The following CHODL variants were observed in gnomAD, a reference collection of about 807,000 sequenced individuals.
CHODL encodes transmembrane protein MT75.
CHODL carries 29 observed loss-of-function variants against 34.5 expected under a neutral mutation model. The observed-to-expected ratio is 0.84, with a 90% confidence interval of 0.63 to 1.15. The LOEUF (loss-of-function observed/expected upper bound fraction) is 1.15. Ranked by LOEUF, CHODL falls within the 50% of genes most tolerant of loss-of-function variation. The pLI is 0.00. For synonymous variants in CHODL, 125 were observed against 116.1 expected, an observed-to-expected ratio of 1.08 and a Z score of -0.49; for missense variants, 332 against 332.5, an observed-to-expected ratio of 1.00 and a Z score of 0.01.
Position 17,929,555 on chromosome 21 carries a change from T to G in CHODL, c.-145+12155T>G, listed in dbSNP as rs917480736. On this transcript the variant is annotated intron_variant, in intron 1 of 6. Transcript: ENST00000400127. ...AGAAAGGTGAAGCCATGCAGCCTGC[T>G]GAGCTGGGATTGGTATGGAGCCAGG... Among the ~76,000 whole-genome samples, 8 of 152,358 alleles carry G rather than the reference T, an allele frequency of 5.3e-5. No individual in the cohort carries two copies. In the South Asian group the frequency reaches 6.2e-4, roughly 12 times the overall value.
At chr21:18,004,843 A>AGC (rs972065430) in intron 1 of CHODL, among the ~76,000 whole-genome samples, 3 of 150,820 alleles carry the variant, frequency 2.0e-5, no homozygotes, top group South Asian at 2.1e-4. Flanking sequence ...AAAAAAAAAA[A>AGC]AACAACAACA....
intron 1 of CHODL, among the ~76,000 whole-genome samples, chr21:18,013,926 C>T (rs543462851): frequency 3.9e-4 from 59 of 152,168 alleles, no homozygotes; most frequent in Admixed American, 5.2e-4. Flanking sequence ...TGAGCCACCG[C>T]GCCTGGCTAT....
upstream of CHODL, among the ~76,000 whole-genome samples, chr21:18,241,719 G>A (rs996921302): frequency 2.0e-5 from 3 of 152,172 alleles, no homozygotes; most frequent in African/African-American, 7.2e-5. Context: ...TGAGAGTGAA[G>A]GAGTTCGTGA....
At chr21:18,256,479 A>C (rs768801758) in intron 1 of CHODL, 30 bp from the exon 2 acceptor site, 1 of 1,549,300 alleles carries the variant, frequency 6.5e-7, no homozygotes, top group African/African-American at 1.4e-5. Flanking sequence ...TCCGATTATC[A>C]ATATATGGGC....
intron 1 of CHODL, among the ~76,000 whole-genome samples, chr21:18,014,415 G>T (rs2064051209): frequency 6.6e-6 from 1 of 152,180 alleles, no homozygotes; most frequent in Non-Finnish European, 1.5e-5. Flanking sequence ...CTTATAAGTG[G>T]TAGCTAAATA....
Position 18,266,038 on chromosome 21 carries a change from A to ATAAC in CHODL, c.*2_*5dup, listed in dbSNP as rs770292805. The ATAAC allele has an allele frequency of 3.7e-6, 6 of 1,613,766 alleles. No homozygotes were observed. Among genetic ancestry groups the ATAAC allele is most frequent in the Non-Finnish European group, 5.1e-6 (6 of 1,179,742 alleles). On this transcript the variant is annotated 3_prime_UTR_variant, in exon 6 of 6. Transcript: ENST00000299295. ...GAAAAGAAAGTGGCATGGAAGTATA[A>ATAAC]TAACTCATTGACTTGGTTCCAGAAT...
At chr21:18,094,649 G>T (rs766032974) in intron 2 of CHODL, among the ~76,000 whole-genome samples, 24 of 150,668 alleles carry the variant, frequency 1.6e-4, no homozygotes, top group Non-Finnish European at 3.0e-4. Context: ...AAACTTTCTG[G>T]TAACAAATTA....
intron 2 of CHODL, among the ~76,000 whole-genome samples, chr21:18,150,958 C>A (rs913254933): frequency 3.3e-5 from 5 of 151,874 alleles, no homozygotes; most frequent in Non-Finnish European, 7.4e-5. Context: ...ATGGCAGGCA[C>A]CTGTAATCCT....
chr21:18,047,235 G>C (rs2064455136), intron 2 of CHODL, among the ~76,000 whole-genome samples: 1 of 151,774 alleles, frequency 6.6e-6, no homozygotes, highest in Non-Finnish European at 1.5e-5. Context: ...CCTAACAAAG[G>C]TAATTGAATA....
chr21:18,248,064 T>A (rs2074165442), intron 1 of CHODL, among the ~76,000 whole-genome samples: 1 of 151,774 alleles, frequency 6.6e-6, no homozygotes, highest in Admixed American at 6.6e-5. Flanking sequence ...CCCCAACCTA[T>A]TTTTGCTGCA....
At chr21:18,258,271 G>GA (rs1333351659) in intron 3 of CHODL, among the ~76,000 whole-genome samples, 1 of 152,004 alleles carries the variant, frequency 6.6e-6, no homozygotes, top group African/African-American at 2.4e-5. Flanking sequence ...TTGCAAAGCT[G>GA]AATCTGTTAT....
intron 3 of CHODL, among the ~76,000 whole-genome samples, chr21:18,257,810 T>C (rs1423260224): frequency 6.6e-6 from 1 of 152,170 alleles, no homozygotes; most frequent in East Asian, 1.9e-4. Flanking sequence ...TAAAAAATAG[T>C]CCATTTGAAT....
At chr21:17,952,351 A>C (rs113004162) in intron 1 of CHODL, among the ~76,000 whole-genome samples, 26 of 152,304 alleles carry the variant, frequency 1.7e-4, no homozygotes, top group African/African-American at 6.0e-4. Flanking sequence ...TCAGAAAAAT[A>C]AGACACTTTA....
intron 2 of CHODL, among the ~76,000 whole-genome samples, chr21:18,125,508 C>T (rs767031861): frequency 5.9e-5 from 9 of 152,064 alleles, no homozygotes; most frequent in Non-Finnish European, 1.0e-4. Context: ...GAAAACGTTT[C>T]TCACTGTGAC....
In CHODL at chr21:18,266,097, CA is replaced by C; in HGVS notation, c.*60del. 6.2e-7 allele frequency: 1 copy of C among 1,613,170 alleles called. No individual in the cohort carries two copies. The highest frequency in any genetic ancestry group is 8.5e-7 in the Non-Finnish European group (1 of 1,179,462). On this transcript the variant is annotated 3_prime_UTR_variant, in exon 6 of 6. Coordinates refer to ENST00000299295, the MANE Select transcript of CHODL (RefSeq NM_024944.3). ...TCTGGATCTGTATAAGGAATGGCAT[CA>C]GAACAATAGCTTGGAATGGCTTGAA... is the stretch of plus-strand genomic sequence containing the variant.
intron 2 of CHODL, among the ~76,000 whole-genome samples, chr21:18,166,265 A>G (rs2073152230): frequency 6.6e-6 from 1 of 152,128 alleles, no homozygotes; most frequent in South Asian, 2.1e-4. Context: ...AGACCCTCTT[A>G]CGCTTCAAAT....
chr21:18,026,697 T>C (rs1450195082), intron 1 of CHODL, among the ~76,000 whole-genome samples: 2 of 152,180 alleles, frequency 1.3e-5, no homozygotes, highest in Non-Finnish European at 2.9e-5. Context: ...GGTTCTTTTG[T>C]GCAAAGCTGA....
At chr21:18,059,861 C>A (rs979866107) in intron 2 of CHODL, among the ~76,000 whole-genome samples, 3 of 152,056 alleles carry the variant, frequency 2.0e-5, no homozygotes, top group African/African-American at 7.2e-5. Context: ...GGTTTCTTTC[C>A]AATATTCTTT....
chr21:18,060,709 C>CAAAAAAAAAAAAAAA (rs71318121), intron 2 of CHODL, among the ~76,000 whole-genome samples: 1 of 121,362 alleles, frequency 8.2e-6, no homozygotes, highest in African/African-American at 3.3e-5. Context: ...CTCCTCGGAC[C>CAAAAAAAAAAAAAAA]AAAAAAAAAA....
Sources: allele counts gnomAD v4.1 joint callset (sites outside exome capture counted in the v4.1 genomes callset), GRCh38; gene constraint gnomAD v4.1.1; transcripts MANE v1.5; gene names NCBI Gene and HGNC (gene_info 2026-07-23, HGNC 2026-07-21).